Variants in UNC13B observed in about 807,000 individuals in gnomAD.
UNC13B encodes the protein unc-13 homolog B.
Under a neutral mutation model 211.0 loss-of-function variants are expected in UNC13B, and 144 were observed. The ratio of observed to expected loss-of-function variants is 0.68; its 90% CI spans 0.60 to 0.78. The LOEUF is 0.78. UNC13B is among the 30% of genes least tolerant of loss of function. UNC13B has a pLI of 0.00. For missense variants in UNC13B, 1,777 were observed against 2,002.0 expected (o/e 0.89, Z 2.14); for synonymous variants, 709 against 725.8 (o/e 0.98, Z 0.37).
chr9:35,352,865 C>T (rs184990092), intron 11 of UNC13B: 1 of 1,232,094 alleles, frequency 8.1e-7, no homozygotes, highest in East Asian at 3.2e-5. Flanking sequence ...GTTTTTCAAA[C>T]AGTACAGCCA....
At position 35,398,534 on chromosome 9, in the gene UNC13B, C is replaced by G; in HGVS notation, c.11833-20C>G. On this transcript the variant is annotated intron_variant, in intron 31 of 39. Coordinates refer to ENST00000635942, the MANE Select transcript of UNC13B (RefSeq NM_001371189.2). ...GGGTAAGAAAAGCAGCCTAGCCAGG[C>G]TTACCTCCTGTGAATACAGCTGGAC... The G allele has an allele frequency of 6.2e-7, 1 of 1,612,558 alleles. No homozygotes were observed. The highest frequency in any genetic ancestry group is 8.5e-7 in the Non-Finnish European group (1 of 1,179,002).
chr9:35,175,710 G>C (rs1324214648), intron 1 of UNC13B, among the ~76,000 whole-genome samples: 1 of 152,108 alleles, frequency 6.6e-6, no homozygotes, highest in Non-Finnish European at 1.5e-5. Context: ...CTGCAGTGAA[G>C]AGTAGGGTTA....
At chr9:35,368,595 G>A (rs1401447242) in intron 12 of UNC13B, among the ~76,000 whole-genome samples, 3 of 152,020 alleles carry the variant, frequency 2.0e-5, no homozygotes, top group Non-Finnish European at 4.4e-5. Context: ...TTGTTGAGTC[G>A]AATGGTTGTT....
intron 11 of UNC13B, among the ~76,000 whole-genome samples, chr9:35,338,330 A>G (rs1831783988): frequency 1.3e-5 from 2 of 152,098 alleles, no homozygotes; most frequent in Admixed American, 6.5e-5. Flanking sequence ...CTTGTCAGCA[A>G]TTTATGACTC....
At chr9:35,170,812 T>C (rs967769965) in intron 1 of UNC13B, among the ~76,000 whole-genome samples, 2 of 151,818 alleles carry the variant, frequency 1.3e-5, no homozygotes, top group Non-Finnish European at 2.9e-5. Context: ...ATATATACCT[T>C]CTCTTTTTTT....
At chr9:35,359,729 C>G (rs1799219316) in intron 11 of UNC13B, among the ~76,000 whole-genome samples, 1 of 152,160 alleles carries the variant, frequency 6.6e-6, no homozygotes, top group South Asian at 2.1e-4. Flanking sequence ...TAAAAAATAT[C>G]TTGAATCTTG....
intron 11 of UNC13B, among the ~76,000 whole-genome samples, chr9:35,349,621 G>C (rs1028151538): frequency 6.6e-6 from 1 of 152,198 alleles, no homozygotes; most frequent in Admixed American, 6.5e-5. Flanking sequence ...GTTCTTAGAT[G>C]AAGAATTCCT....
At chr9:35,204,365 G>A (rs997523169) in intron 1 of UNC13B, among the ~76,000 whole-genome samples, 1 of 152,212 alleles carries the variant, frequency 6.6e-6, no homozygotes, top group Non-Finnish European at 1.5e-5. Context: ...TCCACACTGG[G>A]GCACTGCCTA....
chr9:35,397,830 C>T (rs1482240691), intron 30 of UNC13B, 118 bp downstream of exon 30: 1 of 1,064,806 alleles, frequency 9.4e-7, no homozygotes, highest in East Asian at 2.6e-5. Context: ...TGATTCCCAC[C>T]ATGGCTTTGC....
intron 24 of UNC13B, among the ~76,000 whole-genome samples, chr9:35,386,563 T>C (rs1040212218): frequency 3.9e-5 from 6 of 152,156 alleles, no homozygotes; most frequent in Non-Finnish European, 5.9e-5. Flanking sequence ...AGTTCAGGGG[T>C]TGAGTAGGGG....
At chr9:35,278,346 G>T (rs1441365759) in intron 7 of UNC13B, among the ~76,000 whole-genome samples, 1 of 152,100 alleles carries the variant, frequency 6.6e-6, no homozygotes, top group African/African-American at 2.4e-5. Flanking sequence ...TAAGATTTTG[G>T]TGGCTAAAAT....
intron 1 of UNC13B, among the ~76,000 whole-genome samples, chr9:35,174,348 C>T (rs1330930674): frequency 6.7e-6 from 1 of 149,736 alleles, no homozygotes; most frequent in African/African-American, 2.5e-5. Flanking sequence ...TGTCGGGGGG[C>T]AGGGTCTCCC....
intron 14 of UNC13B, 64 bp downstream of exon 14, chr9:35,375,265 A>G (rs1834324573): frequency 6.5e-7 from 1 of 1,537,314 alleles, no homozygotes; most frequent in Non-Finnish European, 9.0e-7. Flanking sequence ...CTCTGTAGCC[A>G]TGCTATTAAT....
intron 7 of UNC13B, among the ~76,000 whole-genome samples, chr9:35,286,226 CTTTTTT>C (rs777657602): frequency 1.7e-5 from 2 of 117,662 alleles, no homozygotes; most frequent in Non-Finnish European, 3.5e-5. Flanking sequence ...AAGCTTGGAA[CTTTTTT>C]TTTTTTTTTT....
At chr9:35,225,336 T>G (rs1824775582) in intron 1 of UNC13B, among the ~76,000 whole-genome samples, 1 of 152,020 alleles carries the variant, frequency 6.6e-6, no homozygotes, top group Non-Finnish European at 1.5e-5. Context: ...AATTTTTGTA[T>G]TTTTAGTAGA....
intron 11 of UNC13B, among the ~76,000 whole-genome samples, chr9:35,348,391 G>A (rs1016979994): frequency 1.3e-5 from 2 of 152,222 alleles, no homozygotes; most frequent in African/African-American, 4.8e-5. Context: ...CTTGAATGAG[G>A]TGTTGGGAAC....
At chr9:35,180,928 T>A (rs1242788728) in intron 1 of UNC13B, among the ~76,000 whole-genome samples, 32 of 140,968 alleles carry the variant, frequency 2.3e-4, no homozygotes, top group African/African-American at 6.9e-4. Context: ...ACCCTGTCTT[T>A]AAAAAAAAAA....
chr9:35,273,872 C>T (rs573179684), intron 7 of UNC13B, among the ~76,000 whole-genome samples: 208 of 152,304 alleles, frequency 1.4e-3, no homozygotes, highest in African/African-American at 4.7e-3. Flanking sequence ...TTAAGTAGAA[C>T]AGGAAATGTT....
At chr9:35,382,245 C>T in intron 20 of UNC13B, 112 bp from the exon 21 acceptor site, 1 of 1,418,156 alleles carries the variant, frequency 7.1e-7, no homozygotes, top group Non-Finnish European at 9.6e-7. Flanking sequence ...CAAGAGAGGG[C>T]AGCAATTGCC....
Sources: allele counts gnomAD v4.1 joint callset (sites outside exome capture counted in the v4.1 genomes callset), GRCh38; gene constraint gnomAD v4.1.1; transcripts MANE v1.5; gene names NCBI Gene and HGNC (gene_info 2026-07-23, HGNC 2026-07-21).